YAF2: variants seen among roughly 807,000 people sequenced by gnomAD.
YAF2 encodes the protein YY1-associated factor 2.
In YAF2, 7 loss-of-function variants were observed where a neutral mutation model predicts 20.1. The observed-to-expected ratio is 0.35, with a 90% CI of 0.20 to 0.65. The LOEUF (loss-of-function observed/expected upper bound fraction) is 0.65, where lower values mean the gene tolerates loss of function less well. Among genes scored for constraint, YAF2 ranks in the 30% least tolerant of loss-of-function variants. The pLI is 0.69. For synonymous variants in YAF2, 74 were observed against 76.0 expected, an observed-to-expected ratio of 0.97 and a Z score of 0.14; for missense variants, 151 against 219.2, an observed-to-expected ratio of 0.69 and a Z score of 1.96.
chr12:42,174,695 T>C (rs1214360667), intron 2 of YAF2, among the ~76,000 whole-genome samples: 1 of 152,204 alleles, frequency 6.6e-6, no homozygotes, highest in Non-Finnish European at 1.5e-5. Context: ...GTTGACCTCA[T>C]TCAGTCCTCG....
chr12:42,168,132 A>C (rs2065956226), intron 2 of YAF2, among the ~76,000 whole-genome samples: 1 of 151,966 alleles, frequency 6.6e-6, no homozygotes, highest in Admixed American at 6.6e-5. Flanking sequence ...AACATTCCTG[A>C]CAAACTTTCC....
At chr12:42,238,098 C>G in intron 1 of YAF2, 57 bp downstream of exon 1, 1 of 1,415,814 alleles carries the variant, frequency 7.1e-7, no homozygotes, top group Non-Finnish European at 9.3e-7. Context: ...ACCCGAAGCC[C>G]TGCACGAGGG....
intron 2 of YAF2, among the ~76,000 whole-genome samples, chr12:42,206,724 A>G (rs1343138680): frequency 6.6e-6 from 1 of 152,118 alleles, no homozygotes; most frequent in Non-Finnish European, 1.5e-5. Context: ...ATCACTTTTT[A>G]GGAATTCTCT....
chr12:42,165,812 T>A (rs1195812931), intron 2 of YAF2, among the ~76,000 whole-genome samples: 3 of 135,654 alleles, frequency 2.2e-5, no homozygotes, highest in Non-Finnish European at 4.7e-5. Flanking sequence ...AACTAACTCC[T>A]CATCAACTGT....
chr12:42,197,183 G>A (rs1592225422), intron 2 of YAF2, among the ~76,000 whole-genome samples: 1 of 152,348 alleles, frequency 6.6e-6, no homozygotes, highest in East Asian at 1.9e-4. Context: ...ACCCCAGCCT[G>A]CTGTTTAGCA....
intron 2 of YAF2, among the ~76,000 whole-genome samples, chr12:42,181,100 T>C (rs996510062): frequency 7.9e-5 from 12 of 152,348 alleles, no homozygotes; most frequent in Admixed American, 2.0e-4. Flanking sequence ...TAATTCACAC[T>C]GGACTGCAAC....
chr12:42,227,805 AGCCCCCCGCCTGGCCAGCCG>A (rs2067784722), intron 2 of YAF2, among the ~76,000 whole-genome samples: 1 of 138,062 alleles, frequency 7.2e-6, no homozygotes, highest in South Asian at 2.4e-4. Context: ...TGGGGGGGTC[AGCCCCCCGCCTGGCCAGCCG>A]TGCCGTCCGG....
chr12:42,227,459 G>A (rs1273604613), intron 2 of YAF2, among the ~76,000 whole-genome samples: 16 of 107,938 alleles, frequency 1.5e-4, no homozygotes, highest in African/African-American at 6.0e-4. Flanking sequence ...GCCGCCCATC[G>A]TCTGAGATGT....
At chr12:42,209,125 C>A (rs1036574785) in intron 2 of YAF2, among the ~76,000 whole-genome samples, 1 of 152,084 alleles carries the variant, frequency 6.6e-6, no homozygotes, top group Admixed American at 6.5e-5. Context: ...AATTCTGTCA[C>A]AATTCACATC....
chr12:42,178,619 A>G (rs1024483650), intron 2 of YAF2, among the ~76,000 whole-genome samples: 3 of 151,976 alleles, frequency 2.0e-5, no homozygotes, highest in East Asian at 3.9e-4. Flanking sequence ...TTTCATTTTT[A>G]TTTTTTAAAA....
At chr12:42,167,501 C>G in intron 2 of YAF2, among the ~76,000 whole-genome samples, 1 of 152,164 alleles carries the variant, frequency 6.6e-6, no homozygotes, top group Admixed American at 6.5e-5. Context: ...AGTATCAAAT[C>G]TATAGGTAGA....
At position 42,160,337 on chromosome 12, in the gene YAF2, A is replaced by G. The variant is rs978577933; in HGVS notation, c.*252T>C. Reference sequence around the variant, plus strand: ...AAGTGAAAATACACTTACCAATAACACTGCATAATGAATAATTCAACCACA... The same window carrying G: ...AAGTGAAAATACACTTACCAATAACGCTGCATAATGAATAATTCAACCACA... On this transcript the variant is annotated 3_prime_UTR_variant, in exon 4 of 4. Coordinates refer to ENST00000534854, the MANE Select transcript of YAF2 (RefSeq NM_005748.6). The G allele has an allele frequency of 2.4e-6, 1 of 420,570 alleles. No homozygotes were observed. The highest frequency in any genetic ancestry group is 3.8e-5 in the South Asian group (1 of 26,460). 26.1% of individuals were successfully genotyped at this position (420,570 alleles called of 1,614,324 possible).
chr12:42,160,925 A>C, intron 3 of YAF2, 99 bp from the exon 4 acceptor site: 5 of 1,002,902 alleles, frequency 5.0e-6, no homozygotes, highest in Non-Finnish European at 7.2e-6. Context: ...CAAAATGAAT[A>C]CATGTATTTA....
In YAF2 at chr12:42,158,175, G is replaced by A. The variant is rs2065738221; in HGVS notation, c.*2414C>T. On this transcript the variant is annotated 3_prime_UTR_variant, in exon 4 of 4. Coordinates refer to ENST00000534854, the MANE Select transcript of YAF2 (RefSeq NM_005748.6). ...GTAGGGTGAAACAAAGGCAGGTTGA[G>A]ATACCTGTGATTAATAAAAGTAAAA... 2 of 152,138 alleles carry A rather than the reference G, an allele frequency of 1.3e-5. No homozygotes were observed. Among genetic ancestry groups the A allele is most frequent in the Non-Finnish European group, 2.9e-5 (2 of 68,026 alleles). The allele number at this position is 152,138 out of a possible 1,614,324, so 9.4% of individuals were successfully genotyped here. A position where few individuals can be genotyped will look rare whatever the true frequency, so the allele number is the denominator to read the frequency against.
intron 2 of YAF2, among the ~76,000 whole-genome samples, chr12:42,179,789 CAAAA>C (rs71084622): frequency 1.2e-5 from 1 of 85,152 alleles, no homozygotes; most frequent in Non-Finnish European, 2.3e-5. Flanking sequence ...GTCTAAAAGG[CAAAA>C]AAAAAAAAAA....
intron 2 of YAF2, among the ~76,000 whole-genome samples, chr12:42,196,866 T>C (rs2066766528): frequency 6.6e-6 from 1 of 152,216 alleles, no homozygotes; most frequent in Non-Finnish European, 1.5e-5. Context: ...ACCAGTCATT[T>C]GATCCTGCTG....
chr12:42,227,965 G>C, intron 2 of YAF2, among the ~76,000 whole-genome samples: 1 of 145,870 alleles, frequency 6.9e-6, no homozygotes, highest in African/African-American at 2.6e-5. Context: ...CTGTCCGGGA[G>C]GGAGGTGGGG....
chr12:42,165,197 A>G (rs1336542637), intron 2 of YAF2, among the ~76,000 whole-genome samples: 1 of 152,130 alleles, frequency 6.6e-6, no homozygotes, highest in African/African-American at 2.4e-5. Context: ...GCTAAAAATT[A>G]AAAACAAAAA....
intron 2 of YAF2, among the ~76,000 whole-genome samples, chr12:42,166,298 C>T (rs1265556088): frequency 3.3e-5 from 5 of 152,166 alleles, no homozygotes; most frequent in African/African-American, 1.2e-4. Flanking sequence ...CTTTTGAAAC[C>T]CTTGACAACT....
Sources: gnomAD v4.1 joint callset for allele counts (sites outside exome capture counted in the v4.1 genomes callset) on GRCh38, gnomAD v4.1.1 for gene constraint, MANE v1.5 for transcripts, NCBI Gene and HGNC (gene_info 2026-07-23, HGNC 2026-07-21) for gene names.